The following TMEM132C variants were observed in gnomAD, a reference collection of about 807,000 sequenced individuals.
TMEM132C encodes protein phosphatase 1, regulatory subunit 152.
In TMEM132C, 29 loss-of-function variants were observed where a neutral mutation model predicts 61.4. The ratio of observed to expected loss-of-function variants is 0.47; its 90% CI spans 0.35 to 0.64. TMEM132C has a LOEUF of 0.64. TMEM132C is among the 30% of genes least tolerant of loss of function. The probability of loss-of-function intolerance (pLI) is 0.00; values close to 1 mark genes in which losing one functional copy is unlikely to be tolerated. For synonymous variants in TMEM132C, 656 were observed against 633.1 expected, an observed-to-expected ratio of 1.04 and a Z score of -0.54; for missense variants, 1,408 against 1,476.9, an observed-to-expected ratio of 0.95 and a Z score of 0.76.
intron 1 of TMEM132C, among the ~76,000 whole-genome samples, chr12:128,356,155 C>A (rs926574946): frequency 2.0e-5 from 3 of 152,194 alleles, no homozygotes; most frequent in Non-Finnish European, 4.4e-5. Flanking sequence ...TTTCTCAACT[C>A]CAGGAGAAAT....
chr12:128,487,672 A>G (rs755206215), intron 2 of TMEM132C, among the ~76,000 whole-genome samples: 1 of 149,904 alleles, frequency 6.7e-6, no homozygotes, highest in Non-Finnish European at 1.5e-5. Context: ...CACGTGAAAG[A>G]CGTAGATCTT....
chr12:128,278,750 ATGTGTGTGTGTGTG>A lies in TMEM132C; in HGVS notation c.85+11287_85+11300del, dbSNP rs35003496. Among the ~76,000 whole-genome samples the A allele has an allele frequency of 5.1e-5, 7 of 137,060 alleles. No individual in the cohort carries two copies. The highest frequency in any genetic ancestry group is 4.6e-4 in the South Asian group (2 of 4,334). The allele number at this position is 137,060 out of a possible 152,430, so 89.9% of individuals were successfully genotyped here. On this transcript the variant is annotated intron_variant, in intron 1 of 8. Coordinates refer to ENST00000435159, the MANE Select transcript of TMEM132C (RefSeq NM_001136103.3). This position sits in a 1 kb window ranked among gnomAD's most constrained non-coding sequence, Gnocchi z 4.2. ...TGTGCAGACTTGATTCTATACGTGT[ATGTGTGTGTGTGTG>A]TGTGTGTGTGTGTGTGTGTGTGTTT...
intron 1 of TMEM132C, among the ~76,000 whole-genome samples, chr12:128,301,849 G>T (rs1185311796): frequency 1.3e-5 from 2 of 152,230 alleles, no homozygotes; most frequent in African/African-American, 2.4e-5. Flanking sequence ...GCAGTTCCAT[G>T]TGGCTGGGGA....
chr12:128,697,107 C>T, intron 7 of TMEM132C, 117 bp from the exon 8 acceptor site: 1 of 874,672 alleles, frequency 1.1e-6, no homozygotes, highest in Non-Finnish European at 1.7e-6. Flanking sequence ...TATGTAACTC[C>T]TTTGCCCTGT....
In TMEM132C at chr12:128,627,173, A is replaced by T. The variant is rs975603597; in HGVS notation, c.1305+10838A>T. 2.6e-5 allele frequency among the ~76,000 whole-genome samples: 4 copies of T among 152,214 alleles called. No homozygotes were observed. In the East Asian group the frequency reaches 7.7e-4, roughly 29 times the overall value. ...GCTGACAGCTGCGTTCCCTGCCCCC[A>T]TTCCAGCACATTGCCTGATCTGATT... is the stretch of plus-strand genomic sequence containing the variant. On this transcript the variant is annotated intron_variant, in intron 4 of 8. Transcript: ENST00000435159.
chr12:128,534,191 A>G (rs938667515), intron 2 of TMEM132C, among the ~76,000 whole-genome samples: 33 of 152,220 alleles, frequency 2.2e-4, no homozygotes, highest in African/African-American at 7.7e-4. Flanking sequence ...CACATTTTAA[A>G]AAGAGGGAAA....
At chr12:128,640,729 A>T (rs1167937021) in intron 4 of TMEM132C, among the ~76,000 whole-genome samples, 2 of 152,198 alleles carry the variant, frequency 1.3e-5, no homozygotes, top group East Asian at 1.9e-4. Context: ...TCTACAAAAA[A>T]TTTAAAAATT....
chr12:128,480,523 G>T (rs1291908725), intron 2 of TMEM132C, among the ~76,000 whole-genome samples: 1 of 152,210 alleles, frequency 6.6e-6, no homozygotes, highest in Non-Finnish European at 1.5e-5. Flanking sequence ...GCCCATGCGG[G>T]AGCTGAGGCA....
chr12:128,388,437 C>T (rs1329370388), intron 1 of TMEM132C, among the ~76,000 whole-genome samples: 13 of 152,268 alleles, frequency 8.5e-5, no homozygotes, highest in Admixed American at 8.5e-4. Flanking sequence ...CTCTTCTTCC[C>T]CTTGTCTCTT....
chr12:128,510,495 G>A (rs766278989), intron 2 of TMEM132C, among the ~76,000 whole-genome samples: 3 of 152,278 alleles, frequency 2.0e-5, no homozygotes, highest in Admixed American at 6.5e-5. Context: ...TCTCAAGCCC[G>A]CACCTAGAAC....
At chr12:128,390,285 C>T (rs1593036126) in intron 1 of TMEM132C, among the ~76,000 whole-genome samples, 2 of 152,362 alleles carry the variant, frequency 1.3e-5, no homozygotes, top group East Asian at 1.9e-4. Flanking sequence ...TGGGCCTCAG[C>T]GGGCAGAAAG....
rs528483437 is a variant in TMEM132C at position 128,326,933 on chromosome 12, T to G, written c.85+59446T>G. On this transcript the variant is annotated intron_variant, in intron 1 of 8. Transcript: ENST00000435159. The surrounding 1 kb of genome is among the most constrained non-coding windows in gnomAD (Gnocchi z 5.6). Reference sequence around the variant, plus strand: ...GGGAAGCTCAAGATTAGCCGTGTCGTAGGGGGAAAATGTTAGAACGACTAT... The same window carrying G: ...GGGAAGCTCAAGATTAGCCGTGTCGGAGGGGGAAAATGTTAGAACGACTAT... 6.7e-6 allele frequency among the ~76,000 whole-genome samples: 1 copy of G among 150,114 alleles called. No individual in the cohort carries two copies. The highest frequency in any genetic ancestry group is 2.5e-5 in the African/African-American group (1 of 39,430).
At chr12:128,615,178 G>A (rs1438499986) in intron 3 of TMEM132C, among the ~76,000 whole-genome samples, 1 of 152,170 alleles carries the variant, frequency 6.6e-6, no homozygotes, top group Non-Finnish European at 1.5e-5. Flanking sequence ...AGCAGAGGAG[G>A]ACAAGCAGAG....
chr12:128,450,397 G>T, intron 2 of TMEM132C, among the ~76,000 whole-genome samples: 1 of 152,064 alleles, frequency 6.6e-6, no homozygotes, highest in East Asian at 1.9e-4. Flanking sequence ...GAGAGCCTTT[G>T]AGATCAGGGA....
intron 1 of TMEM132C, among the ~76,000 whole-genome samples, chr12:128,382,523 A>T (rs1248386005): frequency 6.6e-6 from 1 of 152,196 alleles, no homozygotes; most frequent in African/African-American, 2.4e-5. Context: ...TCAGTGTTGG[A>T]TGGTAGCACA....
chr12:128,532,640 C>CAAAAAAAAAAA (rs61283555), intron 2 of TMEM132C, among the ~76,000 whole-genome samples: 2 of 67,172 alleles, frequency 3.0e-5, no homozygotes, highest in African/African-American at 1.5e-4. Flanking sequence ...GACTCCATCT[C>CAAAAAAAAAAA]AAAAAAAAAA....
intron 4 of TMEM132C, among the ~76,000 whole-genome samples, chr12:128,634,176 T>G (rs551181913): frequency 3.3e-5 from 5 of 152,318 alleles, no homozygotes; most frequent in Admixed American, 3.3e-4. Context: ...TGGGTTCCAG[T>G]GATCCTCCTG....
chr12:128,646,651 C>T (rs1954202032), intron 4 of TMEM132C, among the ~76,000 whole-genome samples: 1 of 148,902 alleles, frequency 6.7e-6, no homozygotes, highest in Non-Finnish European at 1.5e-5. Flanking sequence ...TAGCTCAGTC[C>T]ATCAGCGTTG....
chr12:128,693,602 A>G (rs1418955622), intron 5 of TMEM132C, among the ~76,000 whole-genome samples: 1 of 152,056 alleles, frequency 6.6e-6, no homozygotes, highest in African/African-American at 2.4e-5. Flanking sequence ...GCACCTTCCT[A>G]TTGGGTTTCC....
Sources: allele counts gnomAD v4.1 joint callset (sites outside exome capture counted in the v4.1 genomes callset), GRCh38; gene constraint gnomAD v4.1.1; non-coding constraint Gnocchi (gnomAD v3.1); transcripts MANE v1.5; gene names NCBI Gene and HGNC (gene_info 2026-07-23, HGNC 2026-07-21).